The following CREB5 variants were observed in gnomAD, a reference collection of about 807,000 sequenced individuals.
CREB5 encodes cAMP responsive element binding protein 5.
Under a neutral mutation model 57.1 loss-of-function variants are expected in CREB5, and 19 were observed. That is an observed-to-expected ratio of 0.33 (90% confidence interval 0.23 to 0.49). CREB5 has a LOEUF of 0.49. CREB5 is among the 20% of genes least tolerant of loss of function. The probability of loss-of-function intolerance (pLI) is 0.99; values close to 1 mark genes in which losing one functional copy is unlikely to be tolerated. For synonymous variants in CREB5, 238 were observed against 238.3 expected, an observed-to-expected ratio of 1.00 and a Z score of 0.01; for missense variants, 579 against 671.6, an observed-to-expected ratio of 0.86 and a Z score of 1.52.
chr7:28,310,982 T>C (rs1280480701), intron 1 of CREB5, among the ~76,000 whole-genome samples: 3 of 152,090 alleles, frequency 2.0e-5, no homozygotes, highest in Non-Finnish European at 4.4e-5. Context: ...ATTATGTCTC[T>C]TTAATCTCTT....
intron 1 of CREB5, among the ~76,000 whole-genome samples, chr7:28,407,303 G>T (rs756461069): frequency 6.6e-6 from 1 of 152,012 alleles, no homozygotes. Context: ...CACCTGCCTC[G>T]GCCTCCCAAA....
At chr7:28,595,950 A>G (rs970115798) in intron 5 of CREB5, among the ~76,000 whole-genome samples, 2 of 152,188 alleles carry the variant, frequency 1.3e-5, no homozygotes, top group Non-Finnish European at 2.9e-5. Context: ...GGATTTCTGG[A>G]GAAATATGAT....
chr7:28,361,294 T>C (rs535069583), intron 1 of CREB5, among the ~76,000 whole-genome samples: 2 of 152,322 alleles, frequency 1.3e-5, no homozygotes, highest in East Asian at 3.9e-4. Context: ...TCCTACATAT[T>C]TGCAGTCCTT....
chr7:28,701,655 G>A (rs1363501183), intron 5 of CREB5, among the ~76,000 whole-genome samples: 1 of 152,142 alleles, frequency 6.6e-6, no homozygotes. Flanking sequence ...TAGTCAGAAG[G>A]ACACCTTCCA....
At chr7:28,432,856 T>C (rs1013412230) in intron 1 of CREB5, among the ~76,000 whole-genome samples, 1 of 152,230 alleles carries the variant, frequency 6.6e-6, no homozygotes, top group African/African-American at 2.4e-5. Flanking sequence ...TGATCACATA[T>C]GGTGATTTTG....
intron 7 of CREB5, among the ~76,000 whole-genome samples, chr7:28,746,631 T>C (rs1030046524): frequency 1.3e-5 from 2 of 152,236 alleles, no homozygotes; most frequent in East Asian, 3.9e-4. Context: ...TAATTAACTT[T>C]AGCAGTTGTT....
chr7:28,353,000 G>GA, intron 1 of CREB5, among the ~76,000 whole-genome samples: 1 of 152,216 alleles, frequency 6.6e-6, no homozygotes, highest in Non-Finnish European at 1.5e-5. Context: ...CAGTTGAAGT[G>GA]AAAGAAATGG....
intron 7 of CREB5, among the ~76,000 whole-genome samples, chr7:28,756,263 C>A (rs1805291327): frequency 6.6e-6 from 1 of 151,970 alleles, no homozygotes; most frequent in Non-Finnish European, 1.5e-5. Context: ...AGCAAAAGTA[C>A]ATTGAGTGGC....
At chr7:28,390,080 T>G (rs1238644840) in intron 1 of CREB5, among the ~76,000 whole-genome samples, 1 of 152,086 alleles carries the variant, frequency 6.6e-6, no homozygotes, top group Non-Finnish European at 1.5e-5. Flanking sequence ...AGAGATATTT[T>G]CAAACAAAGA....
chr7:28,478,335 T>G (rs1791166633), intron 1 of CREB5, among the ~76,000 whole-genome samples: 3 of 151,424 alleles, frequency 2.0e-5, no homozygotes. Context: ...CCCTGTAAAG[T>G]GTGTGAATAT....
chr7:28,678,311 C>T (rs1800417372), intron 5 of CREB5, among the ~76,000 whole-genome samples: 1 of 151,862 alleles, frequency 6.6e-6, no homozygotes, highest in Admixed American at 6.6e-5. Flanking sequence ...TTGCTTGAAC[C>T]CCGGAGGTGG....
intron 4 of CREB5, among the ~76,000 whole-genome samples, chr7:28,565,669 C>T (rs1235529618): frequency 6.6e-6 from 1 of 152,138 alleles, no homozygotes; most frequent in Non-Finnish European, 1.5e-5. Context: ...TGGTTCATGC[C>T]TGTAGTCCCA....
chr7:28,768,866 C>T (rs1452138278), intron 7 of CREB5, among the ~76,000 whole-genome samples: 1 of 152,224 alleles, frequency 6.6e-6, no homozygotes, highest in Non-Finnish European at 1.5e-5. Context: ...TTGATTAGAT[C>T]TGAGTTGAGC....
At chr7:28,379,796 T>C (rs1191096580) in intron 1 of CREB5, among the ~76,000 whole-genome samples, 1 of 152,232 alleles carries the variant, frequency 6.6e-6, no homozygotes, top group African/African-American at 2.4e-5. Flanking sequence ...GACCAGCAGC[T>C]TCAGCACCAC....
At chr7:28,433,483 T>G (rs958240895) in intron 1 of CREB5, among the ~76,000 whole-genome samples, 1 of 152,156 alleles carries the variant, frequency 6.6e-6, no homozygotes, top group Non-Finnish European at 1.5e-5. Flanking sequence ...AGTATTAATA[T>G]TTTGCCTATC....
chr7:28,601,290 TC>T (rs1230054859), intron 5 of CREB5, among the ~76,000 whole-genome samples: 1 of 151,600 alleles, frequency 6.6e-6, no homozygotes, highest in Non-Finnish European at 1.5e-5. Flanking sequence ...GAAGCAAAAA[TC>T]CATAAAGGCA....
At chr7:28,793,061 C>G (rs1807821012) in intron 7 of CREB5, among the ~76,000 whole-genome samples, 1 of 152,168 alleles carries the variant, frequency 6.6e-6, no homozygotes, top group Non-Finnish European at 1.5e-5. Flanking sequence ...GCTTAAGAAT[C>G]AGAGAGTATT....
At chr7:28,451,428 G>T (rs978117712) in intron 1 of CREB5, among the ~76,000 whole-genome samples, 2 of 151,008 alleles carry the variant, frequency 1.3e-5, no homozygotes, top group South Asian at 4.2e-4. Flanking sequence ...TTTCTGGGGT[G>T]CCATTCTGTC....
rs117572784 is a variant in CREB5 at position 28,356,754 on chromosome 7, G to A, written c.-25+57313G>A. On this transcript the variant is annotated intron_variant, in intron 1 of 9. Transcript: ENST00000396299. ...TTTGCTACACGGAGTGCTGTGTTTC[G>A]GCCACAGGATGAGAATTGACAAAGG... 4.2e-3 allele frequency among the ~76,000 whole-genome samples: 643 copies of A among 152,232 alleles called. 5 individuals carry two copies. Among genetic ancestry groups the A allele is most frequent in the African/African-American group, 0.014 (599 of 41,538 alleles).
Sources: allele counts gnomAD v4.1 joint callset (sites outside exome capture counted in the v4.1 genomes callset), GRCh38; gene constraint gnomAD v4.1.1; transcripts MANE v1.5; gene names NCBI Gene and HGNC (gene_info 2026-07-23, HGNC 2026-07-21).